SQSTM1: variants seen among roughly 807,000 people sequenced by gnomAD.
SQSTM1 encodes the protein sequestosome-1.
SQSTM1 carries 36 observed loss-of-function variants against 45.1 expected under a neutral mutation model. The observed-to-expected ratio is 0.80, with a 90% CI of 0.61 to 1.05. The LOEUF is 1.05. SQSTM1 is among the 50% of genes least tolerant of loss of function. The probability of loss-of-function intolerance (pLI) is 0.00; values close to 1 mark genes in which losing one functional copy is unlikely to be tolerated. For synonymous variants in SQSTM1, 290 were observed against 244.3 expected (o/e 1.19, Z -1.74); for missense variants, 617 against 607.1 (o/e 1.02, Z -0.17).
intron 1 of SQSTM1, among the ~76,000 whole-genome samples, chr5:179,808,761 T>C (rs1206939845): frequency 6.6e-6 from 1 of 152,202 alleles, no homozygotes; most frequent in Non-Finnish European, 1.5e-5. Context: ...AAGACCAGCC[T>C]GGGCAACATA....
chr5:179,830,328 A>T (rs1467830495), intron 5 of SQSTM1, among the ~76,000 whole-genome samples: 1 of 152,196 alleles, frequency 6.6e-6, no homozygotes, highest in African/African-American at 2.4e-5. Flanking sequence ...AGAGCAAACA[A>T]ACATGAACAG....
chr5:179,829,064 C>G (rs150495536), intron 5 of SQSTM1, among the ~76,000 whole-genome samples: 1 of 152,320 alleles, frequency 6.6e-6, no homozygotes, highest in Non-Finnish European at 1.5e-5. Flanking sequence ...TAGGGAGTGT[C>G]AGCTAGAGAC....
At position 179,822,614 on chromosome 5, in the gene SQSTM1, G is replaced by A. The variant is rs537081903; in HGVS notation, c.206-344G>A. 55 of 363,388 alleles carry A rather than the reference G, an allele frequency of 1.5e-4. No individual in the cohort carries two copies. In the East Asian group the frequency reaches 2.6e-3, roughly 17 times the overall value. 22.5% of individuals were successfully genotyped at this position (363,388 alleles called of 1,614,324 possible). On this transcript the variant is annotated intron_variant, in intron 1 of 7. Transcript: ENST00000389805. ...GCAGGGATCTCCCACAGTTGAAGACGGACATGGGCCTGGTCGGATGGGGAA... is the reference window on the plus strand; with the variant it reads ...GCAGGGATCTCCCACAGTTGAAGACAGACATGGGCCTGGTCGGATGGGGAA...
At chr5:179,833,480 G>A in intron 6 of SQSTM1, 107 bp from the exon 7 acceptor site, 5 of 1,232,396 alleles carry the variant, frequency 4.1e-6, no homozygotes, top group Non-Finnish European at 5.9e-6. Context: ...AGCCTTAACT[G>A]CACGTGTGCA....
At chr5:179,807,028 C>A (rs1757199283) in intron 1 of SQSTM1, 1 of 149,458 alleles carries the variant, frequency 6.7e-6, no homozygotes, top group Non-Finnish European at 1.5e-5. Flanking sequence ...GCAGCACCGC[C>A]GTCGCCGGCG....
intron 2 of SQSTM1, chr5:179,811,848 A>T (rs1474798375): frequency 1.3e-5 from 2 of 152,260 alleles, no homozygotes; most frequent in South Asian, 2.1e-4. Flanking sequence ...TCTGTCGCCC[A>T]GGCTGGAGTG....
intron 1 of SQSTM1, among the ~76,000 whole-genome samples, chr5:179,821,346 G>C (rs1757767749): frequency 6.6e-6 from 1 of 152,218 alleles, no homozygotes; most frequent in Non-Finnish European, 1.5e-5. Flanking sequence ...GACCAAGGCC[G>C]GGACCCGCTG....
At position 179,821,922 on chromosome 5, in the gene SQSTM1, G is replaced by C. The variant is rs566891105; in HGVS notation, c.205+781G>C. Among the ~76,000 whole-genome samples, 30 of 151,558 alleles carry C rather than the reference G, an allele frequency of 2.0e-4. No homozygotes were observed. The East Asian group carries it at 5.8e-3, about 29-fold the overall frequency. On this transcript the variant is annotated intron_variant, in intron 1 of 7. Transcript: ENST00000389805. ...AGGACCTCCCTCTGGAGCGCTGCCAGCATACCAGGCCCTCTCCTATTCTTA... is the reference window on the plus strand; with the variant it reads ...AGGACCTCCCTCTGGAGCGCTGCCACCATACCAGGCCCTCTCCTATTCTTA...
intron 5 of SQSTM1, among the ~76,000 whole-genome samples, chr5:179,828,407 CTT>C (rs1192726497): frequency 9.6e-5 from 6 of 62,644 alleles, no homozygotes; most frequent in Non-Finnish European, 1.5e-4. Context: ...GACTTTTGCT[CTT>C]GTTGTCCAGG....
upstream of SQSTM1, among the ~76,000 whole-genome samples, chr5:179,815,417 G>A (rs925194162): frequency 1.1e-4 from 16 of 145,690 alleles, no homozygotes; most frequent in Non-Finnish European, 2.1e-4. Flanking sequence ...ACTCTGTCTC[G>A]AAAAAAAAAA....
intron 6 of SQSTM1, 96 bp downstream of exon 6, chr5:179,833,342 C>G (rs1473422407): frequency 1.0e-5 from 13 of 1,246,964 alleles, no homozygotes; most frequent in African/African-American, 1.5e-5. Flanking sequence ...TGCAGCCCCA[C>G]TTACAAACCC....
At chr5:179,828,153 G>A (rs879491140) in intron 5 of SQSTM1, among the ~76,000 whole-genome samples, 6 of 152,086 alleles carry the variant, frequency 3.9e-5, no homozygotes, top group Admixed American at 3.9e-4. Flanking sequence ...ATACAAGAAT[G>A]GCTACTCCGT....
chr5:179,815,595 T>G (rs1175709850), upstream of SQSTM1, among the ~76,000 whole-genome samples: 1 of 152,116 alleles, frequency 6.6e-6, no homozygotes, highest in Admixed American at 6.5e-5. Context: ...CTGCTCAGGA[T>G]TCCCCCCTCC....
chr5:179,823,673 C>G, intron 2 of SQSTM1, 185 bp from the exon 3 acceptor site: 1 of 631,018 alleles, frequency 1.6e-6, no homozygotes, highest in Non-Finnish European at 2.8e-6. Context: ...GACACAGGGA[C>G]TGGGAACCTC....
At chr5:179,809,747 G>A (rs1405808305) in intron 1 of SQSTM1, among the ~76,000 whole-genome samples, 7 of 149,114 alleles carry the variant, frequency 4.7e-5, no homozygotes, top group East Asian at 4.0e-4. Context: ...GGGTTCAAGC[G>A]ATTCTCCTGC....
At chr5:179,813,056 C>T (rs1757478480) in intron 2 of SQSTM1, 1 of 144,440 alleles carries the variant, frequency 6.9e-6, no homozygotes, top group South Asian at 2.4e-4. Flanking sequence ...CCTTCATCTT[C>T]TGCAGATGCC....
At position 179,829,609 on chromosome 5, in the gene SQSTM1, GA is replaced by G. The variant is rs925597555; in HGVS notation, c.755-3415del. Among the ~76,000 whole-genome samples the G allele has an allele frequency of 2.1e-4, 32 of 151,948 alleles. No homozygotes were observed. The East Asian group carries it at 2.3e-3, about 11-fold the overall frequency. ...AGAAAGTTCTTAAAATTAAAAAATA[GA>G]AAAAAAACTTCAAAAGAAGGCTTAG... On this transcript the variant is annotated intron_variant, in intron 5 of 7. Coordinates refer to ENST00000389805, the MANE Select transcript of SQSTM1 (RefSeq NM_003900.5).
chr5:179,834,557 G>GCGGCCTTC (rs1758420808), intron 7 of SQSTM1, among the ~76,000 whole-genome samples: 1 of 151,224 alleles, frequency 6.6e-6, no homozygotes, highest in Non-Finnish European at 1.5e-5. Flanking sequence ...AGAGGACCCT[G>GCGGCCTTC]CGGCCTTCCG....
rs1453927322 is a variant in SQSTM1 at position 179,821,180 on chromosome 5, C to A, written c.205+39C>A. On this transcript the variant is annotated intron_variant, in intron 1 of 7. Transcript: ENST00000389805. ...GGAGCGGCGGGGGCGGTGACGCAGG[C>A]CGGACACGGCCTCCTGCCGCGGGGT... 3.0e-6 allele frequency: 4 copies of A among 1,320,900 alleles called. No individual in the cohort carries two copies. The African/African-American group carries it at 6.2e-5, about 21-fold the overall frequency. 81.8% of individuals were successfully genotyped at this position (1,320,900 alleles called of 1,614,324 possible). A position where few individuals can be genotyped will look rare whatever the true frequency, so the allele number is the denominator to read the frequency against.
Sources: allele counts gnomAD v4.1 joint callset (sites outside exome capture counted in the v4.1 genomes callset), GRCh38; gene constraint gnomAD v4.1.1; transcripts MANE v1.5; gene names NCBI Gene and HGNC (gene_info 2026-07-23, HGNC 2026-07-21).